AIG1: variants seen among roughly 807,000 people sequenced by gnomAD.
The protein encoded by AIG1 is androgen-induced gene 1 protein.
In AIG1, 23 loss-of-function variants were observed where a neutral mutation model predicts 31.4. That is an observed-to-expected ratio of 0.73 (90% CI 0.53 to 1.04). AIG1 has a LOEUF of 1.04. AIG1 is among the 50% of genes least tolerant of loss of function. The probability of loss-of-function intolerance (pLI) is 0.00; values close to 1 mark genes in which losing one functional copy is unlikely to be tolerated. For missense variants in AIG1, 274 were observed against 295.0 expected, an observed-to-expected ratio of 0.93 and a Z score of 0.52; for synonymous variants, 100 against 110.5, an observed-to-expected ratio of 0.90 and a Z score of 0.60.
intron 1 of AIG1, among the ~76,000 whole-genome samples, chr6:143,088,619 C>T (rs996989714): frequency 1.3e-5 from 2 of 152,184 alleles, no homozygotes; most frequent in African/African-American, 4.8e-5. Flanking sequence ...AGGCTGCCTT[C>T]AGAGGGTGTG....
intron 3 of AIG1, among the ~76,000 whole-genome samples, chr6:143,226,645 C>T (rs1792984828): frequency 6.6e-6 from 1 of 152,070 alleles, no homozygotes; most frequent in African/African-American, 2.4e-5. Context: ...ACTTTCATCT[C>T]AGTGTGTGTT....
chr6:143,162,120 A>G (rs999822272), intron 2 of AIG1, among the ~76,000 whole-genome samples: 7 of 152,220 alleles, frequency 4.6e-5, no homozygotes, highest in Non-Finnish European at 8.8e-5. Context: ...AAATCAGTTC[A>G]TTCTTATAAA....
intron 4 of AIG1, among the ~76,000 whole-genome samples, chr6:143,294,107 A>G (rs1409793998): frequency 6.6e-6 from 1 of 152,040 alleles, no homozygotes; most frequent in Non-Finnish European, 1.5e-5. Flanking sequence ...TCAGCAAGCA[A>G]TCCTTCCTTC....
At chr6:143,300,098 A>G (rs1398057315) in intron 4 of AIG1, among the ~76,000 whole-genome samples, 6 of 152,228 alleles carry the variant, frequency 3.9e-5, no homozygotes, top group Admixed American at 3.9e-4. Flanking sequence ...TAAATTTTAA[A>G]GGAATAAATC....
At chr6:143,077,911 C>T (rs1039761309) in intron 1 of AIG1, among the ~76,000 whole-genome samples, 6 of 152,222 alleles carry the variant, frequency 3.9e-5, no homozygotes, top group African/African-American at 1.4e-4. Flanking sequence ...TTATATGTCT[C>T]TATCTACTGA....
intron 4 of AIG1, among the ~76,000 whole-genome samples, chr6:143,323,289 T>C (rs1370101392): frequency 6.6e-6 from 1 of 152,172 alleles, no homozygotes; most frequent in Non-Finnish European, 1.5e-5. Context: ...TTAAACCAAG[T>C]GTGATCCCCT....
intron 1 of AIG1, among the ~76,000 whole-genome samples, chr6:143,083,753 G>T (rs1778504818): frequency 6.6e-6 from 1 of 152,280 alleles, no homozygotes; most frequent in African/African-American, 2.4e-5. Flanking sequence ...GGGAAAGGAG[G>T]CAGAATCCTT....
chr6:143,320,363 C>T (rs1776110694), intron 4 of AIG1, among the ~76,000 whole-genome samples: 1 of 152,046 alleles, frequency 6.6e-6, no homozygotes, highest in Non-Finnish European at 1.5e-5. Context: ...TAGTTATATA[C>T]CCAAAAGAGT....
At chr6:143,208,046 AGAAT>A (rs1268215498) in intron 3 of AIG1, among the ~76,000 whole-genome samples, 1 of 152,190 alleles carries the variant, frequency 6.6e-6, no homozygotes, top group African/African-American at 2.4e-5. Flanking sequence ...AAATGAGACC[AGAAT>A]GCCATCTAAA....
chr6:143,194,573 A>G (rs753957750), intron 3 of AIG1, among the ~76,000 whole-genome samples: 9 of 152,196 alleles, frequency 5.9e-5, no homozygotes, highest in Non-Finnish European at 8.8e-5. Context: ...ACATTTCTCG[A>G]ATCCATCTAT....
chr6:143,306,214 A>G (rs1799290669), intron 4 of AIG1, among the ~76,000 whole-genome samples: 1 of 151,948 alleles, frequency 6.6e-6, no homozygotes, highest in Admixed American at 6.6e-5. Context: ...TGGAGCATTT[A>G]GTCCATTTAC....
rs191536846 is a variant in AIG1, at chr6:143,076,735, C to T, written c.141+15669C>T. The stretch of plus-strand genomic sequence containing the variant: ...TTGCCCAGGGTGTAGTGCAGTGGCA[C>T]GATCTCAGCTCACTGCAAGCTCCGC... On this transcript the variant is annotated intron_variant, in intron 1 of 5. Coordinates refer to ENST00000357847, the MANE Select transcript of AIG1 (RefSeq NM_016108.4). Among the ~76,000 whole-genome samples the T allele has an allele frequency of 9.3e-5, 14 of 150,172 alleles. No homozygotes were observed. In the East Asian group the frequency reaches 1.6e-3, roughly 17 times the overall value.
chr6:143,289,837 G>A (rs1028700459), intron 4 of AIG1, among the ~76,000 whole-genome samples: 1 of 151,920 alleles, frequency 6.6e-6, no homozygotes, highest in African/African-American at 2.4e-5. Flanking sequence ...AAATTTTTAG[G>A]AAAAAATGTG....
chr6:143,302,184 TTTTTTTA>T (rs1234918704), intron 4 of AIG1, among the ~76,000 whole-genome samples: 2 of 151,756 alleles, frequency 1.3e-5, no homozygotes, highest in African/African-American at 2.4e-5. Flanking sequence ...AACACTTTTA[TTTTTTTA>T]TTTTTTATTT....
At chr6:143,225,962 A>G (rs1386614123) in intron 3 of AIG1, among the ~76,000 whole-genome samples, 1 of 152,224 alleles carries the variant, frequency 6.6e-6, no homozygotes, top group Non-Finnish European at 1.5e-5. Context: ...CACATCTGTG[A>G]CTAAGGGAAT....
chr6:143,278,903 T>C (rs1797148882), intron 3 of AIG1, among the ~76,000 whole-genome samples: 1 of 152,218 alleles, frequency 6.6e-6, no homozygotes, highest in African/African-American at 2.4e-5. Context: ...ATCTTCTATT[T>C]ATGACAAATG....
chr6:143,341,738 T>G (rs1777860823), downstream of AIG1, among the ~76,000 whole-genome samples: 1 of 152,196 alleles, frequency 6.6e-6, no homozygotes, highest in African/African-American at 2.4e-5. Context: ...GTCAGTGGAC[T>G]GACATTTTGC....
chr6:143,249,262 C>A (rs1236727400), intron 3 of AIG1, among the ~76,000 whole-genome samples: 2 of 152,196 alleles, frequency 1.3e-5, no homozygotes, highest in Non-Finnish European at 2.9e-5. Flanking sequence ...GAAGCTCTTT[C>A]CTCAATACAC....
chr6:143,198,769 A>T (rs937774648), intron 3 of AIG1, among the ~76,000 whole-genome samples: 37 of 152,224 alleles, frequency 2.4e-4, no homozygotes, highest in African/African-American at 8.9e-4. Flanking sequence ...AGTTGAGGGC[A>T]TGACCCAAAA....
Sources: gnomAD v4.1 joint callset for allele counts (sites outside exome capture counted in the v4.1 genomes callset) on GRCh38, gnomAD v4.1.1 for gene constraint, MANE v1.5 for transcripts, NCBI Gene and HGNC (gene_info 2026-07-23, HGNC 2026-07-21) for gene names.